TSPAN12: variants seen among roughly 807,000 people sequenced by gnomAD.
TSPAN12 encodes the protein tetraspanin-12.
In TSPAN12, 19 loss-of-function variants were observed where a neutral mutation model predicts 39.2. The observed-to-expected ratio is 0.49, with a 90% confidence interval of 0.34 to 0.71. TSPAN12 has a LOEUF of 0.71. TSPAN12 is among the 30% of genes least tolerant of loss of function. The pLI, the probability that TSPAN12 is intolerant of heterozygous loss-of-function variation, is 0.01. For synonymous variants in TSPAN12, 119 were observed against 124.8 expected (o/e 0.95, Z 0.31); for missense variants, 314 against 359.9 (o/e 0.87, Z 1.03).
chr7:120,797,282 G>C (rs928198664), intron 7 of TSPAN12, among the ~76,000 whole-genome samples: 1 of 152,198 alleles, frequency 6.6e-6, no homozygotes, highest in African/African-American at 2.4e-5. Context: ...TTCATGCATT[G>C]GGAGTTCTCT....
At chr7:120,810,655 C>T (rs796939885) in intron 5 of TSPAN12, 85 bp from the exon 6 acceptor site, 6 of 776,670 alleles carry the variant, frequency 7.7e-6, no homozygotes, top group East Asian at 2.5e-5. Context: ...CACACACACA[C>T]GTACACACGC....
At chr7:120,804,942 A>G (rs534057378) in intron 7 of TSPAN12, among the ~76,000 whole-genome samples, 2 of 152,112 alleles carry the variant, frequency 1.3e-5, no homozygotes, top group Non-Finnish European at 2.9e-5. Flanking sequence ...GGGGAGAAGC[A>G]TGAAATAGAT....
At chr7:120,824,607 C>T (rs1055946499) in intron 4 of TSPAN12, among the ~76,000 whole-genome samples, 2 of 152,102 alleles carry the variant, frequency 1.3e-5, no homozygotes, top group Non-Finnish European at 2.9e-5. Context: ...TCTATTGCCT[C>T]TCAATGAATG....
chr7:120,823,979 A>G (rs1794235365), intron 4 of TSPAN12, among the ~76,000 whole-genome samples: 1 of 152,158 alleles, frequency 6.6e-6, no homozygotes, highest in Non-Finnish European at 1.5e-5. Flanking sequence ...TAAGTGGTGC[A>G]ATTATACTTC....
At chr7:120,792,587 G>A (rs1793550390) in intron 7 of TSPAN12, among the ~76,000 whole-genome samples, 1 of 152,174 alleles carries the variant, frequency 6.6e-6, no homozygotes, top group South Asian at 2.1e-4. Context: ...GAAGCTCTGT[G>A]CACCCTTGGT....
chr7:120,822,587 A>G (rs1584938780), intron 4 of TSPAN12, among the ~76,000 whole-genome samples: 1 of 152,302 alleles, frequency 6.6e-6, no homozygotes, highest in African/African-American at 2.4e-5. Context: ...ATGCTAAAGC[A>G]ATAGTGGGAA....
intron 4 of TSPAN12, among the ~76,000 whole-genome samples, chr7:120,837,789 G>C (rs186820503): frequency 7.2e-5 from 11 of 152,318 alleles, no homozygotes; most frequent in Admixed American, 3.9e-4. Flanking sequence ...AGTCAAGCAC[G>C]AGTGTGTGGG....
intron 4 of TSPAN12, among the ~76,000 whole-genome samples, chr7:120,824,899 T>G (rs1229952912): frequency 6.6e-6 from 1 of 152,186 alleles, no homozygotes; most frequent in Non-Finnish European, 1.5e-5. Flanking sequence ...GAAAAGATAC[T>G]TTCAATTACT....
intron 4 of TSPAN12, among the ~76,000 whole-genome samples, chr7:120,822,030 T>G (rs983663269): frequency 5.3e-5 from 8 of 152,274 alleles, no homozygotes; most frequent in African/African-American, 1.9e-4. Context: ...TGAAATCAAT[T>G]TGTCTGTTAT....
intron 7 of TSPAN12, among the ~76,000 whole-genome samples, chr7:120,797,445 G>C (rs1049534587): frequency 2.0e-5 from 3 of 152,238 alleles, no homozygotes; most frequent in African/African-American, 7.2e-5. Flanking sequence ...TAGGTCATTG[G>C]TCTATGAAAG....
intron 4 of TSPAN12, among the ~76,000 whole-genome samples, chr7:120,820,470 T>A (rs1794167980): frequency 6.6e-6 from 1 of 152,150 alleles, no homozygotes. Flanking sequence ...ATAGCCTTCA[T>A]TCTCTGCAGT....
At position 120,815,725 on chromosome 7, in the gene TSPAN12, T is replaced by G. The variant is rs1794066868; in HGVS notation, c.360+4A>C. 1 of 1,611,508 alleles carries G rather than the reference T, an allele frequency of 6.2e-7. No individual in the cohort carries two copies. The highest frequency in any genetic ancestry group is 8.5e-7 in the Non-Finnish European group (1 of 1,178,558). ...GATTGTGATTATATCTATTTTGAACTCACCATAAGTTCCTGTTCATATGTC... is the reference window on the plus strand; with the variant it reads ...GATTGTGATTATATCTATTTTGAACGCACCATAAGTTCCTGTTCATATGTC... On this transcript the variant is annotated splice_donor_region_variant and intron_variant, in intron 5 of 7. Coordinates refer to ENST00000222747, the MANE Select transcript of TSPAN12 (RefSeq NM_012338.4).
chr7:120,837,682 G>A (rs1376107093), intron 4 of TSPAN12, among the ~76,000 whole-genome samples: 1 of 152,142 alleles, frequency 6.6e-6, no homozygotes, highest in Non-Finnish European at 1.5e-5. Flanking sequence ...CCTCCAAGAA[G>A]CTAAGTAATA....
At chr7:120,825,040 C>A (rs1794258954) in intron 4 of TSPAN12, among the ~76,000 whole-genome samples, 1 of 152,120 alleles carries the variant, frequency 6.6e-6, no homozygotes, top group Non-Finnish European at 1.5e-5. Context: ...ATCTACCTCA[C>A]CACAAATAGA....
intron 2 of TSPAN12, among the ~76,000 whole-genome samples, chr7:120,852,115 AGTTT>A (rs1794780209): frequency 6.6e-6 from 1 of 152,080 alleles, no homozygotes; most frequent in African/African-American, 2.4e-5. Flanking sequence ...AAAAACTCTC[AGTTT>A]GATTTTTGAC....
intron 4 of TSPAN12, among the ~76,000 whole-genome samples, chr7:120,818,987 G>C (rs1378059757): frequency 1.3e-5 from 2 of 151,942 alleles, no homozygotes; most frequent in African/African-American, 4.8e-5. Context: ...ATGTTACAAA[G>C]AGACCAAATG....
chr7:120,828,677 T>TA (rs895435782), intron 4 of TSPAN12, among the ~76,000 whole-genome samples: 4 of 148,160 alleles, frequency 2.7e-5, no homozygotes, highest in Admixed American at 1.3e-4. Context: ...TTTTTTTTTT[T>TA]ACAGTACCTT....
At chr7:120,796,405 T>C (rs535642054) in intron 7 of TSPAN12, among the ~76,000 whole-genome samples, 1 of 152,316 alleles carries the variant, frequency 6.6e-6, no homozygotes, top group South Asian at 2.1e-4. Context: ...AAAAATCTAA[T>C]CATAGATCAA....
At chr7:120,822,794 C>T (rs1320166711) in intron 4 of TSPAN12, among the ~76,000 whole-genome samples, 1 of 152,036 alleles carries the variant, frequency 6.6e-6, no homozygotes, top group Admixed American at 6.6e-5. Context: ...GAAGTGGAGA[C>T]ACTAAAATAG....
Sources: gnomAD v4.1 joint callset for allele counts (sites outside exome capture counted in the v4.1 genomes callset) on GRCh38, gnomAD v4.1.1 for gene constraint, MANE v1.5 for transcripts, NCBI Gene and HGNC (gene_info 2026-07-23, HGNC 2026-07-21) for gene names.